The following PTN variants were observed in gnomAD, a reference collection of about 807,000 sequenced individuals.
PTN encodes the protein heparin affin regulatory protein.
Under a neutral mutation model 24.1 loss-of-function variants are expected in PTN, and 18 were observed. The observed-to-expected ratio is 0.75, with a 90% CI of 0.52 to 1.11. The LOEUF (loss-of-function observed/expected upper bound fraction) is 1.11. PTN is among the 50% of genes least tolerant of loss of function. The pLI, the probability that PTN is intolerant of heterozygous loss-of-function variation, is 0.00. For synonymous variants in PTN, 78 were observed against 68.6 expected (o/e 1.14, Z -0.67); for missense variants, 163 against 198.8 (o/e 0.82, Z 1.08).
chr7:137,238,145 C>T (rs956589912), intron 4 of PTN, among the ~76,000 whole-genome samples: 6 of 152,056 alleles, frequency 3.9e-5, no homozygotes, highest in Non-Finnish European at 7.4e-5. Context: ...CTCTGATTTC[C>T]CTGTAGGTTT....
At chr7:137,231,306 C>A (rs73727897) in intron 4 of PTN, among the ~76,000 whole-genome samples, 2,661 of 151,894 alleles carry the variant, frequency 0.018, 69 homozygotes, top group African/African-American at 0.061. Flanking sequence ...TTCTTTCCAT[C>A]TTATCCTTTT....
At chr7:137,322,728 A>C (rs577225532) in intron 1 of PTN, among the ~76,000 whole-genome samples, 1 of 152,340 alleles carries the variant, frequency 6.6e-6, no homozygotes, top group East Asian at 1.9e-4. Flanking sequence ...ACATTACAAT[A>C]CAGAATAAGC....
intron 1 of PTN, among the ~76,000 whole-genome samples, chr7:137,266,650 T>C (rs1809152433): frequency 1.3e-5 from 2 of 151,648 alleles, no homozygotes; most frequent in African/African-American, 2.4e-5. Flanking sequence ...TTTTTGAAGA[T>C]AACCATTCTG....
intron 3 of PTN, 46 bp downstream of exon 3, chr7:137,253,418 A>G (rs1487741459): frequency 6.7e-7 from 1 of 1,500,064 alleles, no homozygotes; most frequent in South Asian, 1.4e-5. Flanking sequence ...GAAAAATTTG[A>G]GAATTATCTC....
chr7:137,265,839 G>C (rs1313063717), intron 1 of PTN, among the ~76,000 whole-genome samples: 3 of 151,652 alleles, frequency 2.0e-5, no homozygotes, highest in Non-Finnish European at 2.9e-5. Flanking sequence ...AATTGCCAAA[G>C]TTTGTTTTAA....
chr7:137,332,261 G>T (rs1810371723), intron 1 of PTN, among the ~76,000 whole-genome samples: 1 of 152,110 alleles, frequency 6.6e-6, no homozygotes, highest in African/African-American at 2.4e-5. Context: ...TTCAAGAATT[G>T]TAAGTAAGTT....
intron 3 of PTN, 40 bp from the exon 4 acceptor site, chr7:137,251,431 T>C (rs1248516342): frequency 6.9e-6 from 11 of 1,594,452 alleles, no homozygotes; most frequent in African/African-American, 1.3e-5. Flanking sequence ...CCTTGAAAGA[T>C]CCTATCGTAC....
rs115892381 is a variant in PTN, at chr7:137,229,109, C to T, written c.452-1034G>A. ...ACCATAGCATATGATAGTAAGCATACGGTTTATATCCAAATTAAACCTGTT... is the reference window on the plus strand; with the variant it reads ...ACCATAGCATATGATAGTAAGCATATGGTTTATATCCAAATTAAACCTGTT... On this transcript the variant is annotated intron_variant, in intron 4 of 4. Transcript: ENST00000348225. 4.0e-3 allele frequency among the ~76,000 whole-genome samples: 607 copies of T among 151,840 alleles called. 5 individuals are homozygous for T. Among genetic ancestry groups the T allele is most frequent in the African/African-American group, 0.014 (561 of 41,500 alleles).
At chr7:137,306,938 G>A (rs1035756051) in intron 1 of PTN, among the ~76,000 whole-genome samples, 1 of 151,942 alleles carries the variant, frequency 6.6e-6, no homozygotes, top group Non-Finnish European at 1.5e-5. Flanking sequence ...ACACAATCTC[G>A]GGTGGTTACT....
At chr7:137,233,844 T>C (rs1044027204) in intron 4 of PTN, among the ~76,000 whole-genome samples, 2 of 151,230 alleles carry the variant, frequency 1.3e-5, no homozygotes, top group Non-Finnish European at 3.0e-5. Context: ...TATTAATTAC[T>C]TGTCTCATTT....
chr7:137,264,847 A>G lies in PTN; in HGVS notation c.-1-9873T>C, dbSNP rs538955800. ...TAGCTTATCTGCTTCTTGTGCTAACAGGGTCATTGCTGCCAGGGACCTTAG... is the reference window on the plus strand; with the variant it reads ...TAGCTTATCTGCTTCTTGTGCTAACGGGGTCATTGCTGCCAGGGACCTTAG... On this transcript the variant is annotated intron_variant, in intron 1 of 4. Transcript: ENST00000348225. Among the ~76,000 whole-genome samples, 114 of 152,308 alleles carry G rather than the reference A, an allele frequency of 7.5e-4. 1 individual carries two copies. The highest frequency in any genetic ancestry group is 1.3e-3 in the Non-Finnish European group (90 of 68,014).
At chr7:137,288,037 A>C (rs1376554660) in intron 1 of PTN, among the ~76,000 whole-genome samples, 1 of 152,226 alleles carries the variant, frequency 6.6e-6, no homozygotes, top group African/African-American at 2.4e-5. Context: ...TTAGTGTCTC[A>C]GAAGGAATAC....
At chr7:137,238,291 T>C (rs532947058) in intron 4 of PTN, among the ~76,000 whole-genome samples, 1 of 152,204 alleles carries the variant, frequency 6.6e-6, no homozygotes, top group Admixed American at 6.5e-5. Flanking sequence ...GGGAAGACAA[T>C]CATGAATCCA....
At chr7:137,274,085 T>C (rs322244) in intron 1 of PTN, among the ~76,000 whole-genome samples, 149,250 of 152,126 alleles carry the variant, frequency 0.98, 73,272 homozygotes, top group East Asian at 1. Context: ...ATTTTCATTT[T>C]ATTATTTTTA....
intron 1 of PTN, among the ~76,000 whole-genome samples, chr7:137,342,388 C>A (rs1008593017): frequency 1.3e-5 from 2 of 152,144 alleles, no homozygotes; most frequent in Non-Finnish European, 2.9e-5. Flanking sequence ...TGCTCAAGGA[C>A]CGCAGCTTTA....
At chr7:137,332,181 TCTAA>T (rs1159519266) in intron 1 of PTN, among the ~76,000 whole-genome samples, 4 of 152,184 alleles carry the variant, frequency 2.6e-5, no homozygotes, top group African/African-American at 9.6e-5. Context: ...CAATTACGCA[TCTAA>T]CTATTTTTAA....
chr7:137,319,499 C>G (rs1452380890), intron 1 of PTN, among the ~76,000 whole-genome samples: 1 of 152,226 alleles, frequency 6.6e-6, no homozygotes, highest in Non-Finnish European at 1.5e-5. Flanking sequence ...GCGAACATCT[C>G]TTTGTCACTT....
chr7:137,339,699 C>T lies in PTN; in HGVS notation c.-2+3740G>A, dbSNP rs565753085. Among the ~76,000 whole-genome samples, 10 of 152,070 alleles carry T rather than the reference C, an allele frequency of 6.6e-5. No individual in the cohort carries two copies. In the South Asian group the frequency reaches 1.2e-3, roughly 19 times the overall value. ...TATGGGCAGGCATTCCTGGTACATC[C>T]GTACATAGAGAAATGTATGCCATCA... On this transcript the variant is annotated intron_variant, in intron 1 of 4. Coordinates refer to ENST00000348225, the MANE Select transcript of PTN (RefSeq NM_002825.7).
chr7:137,301,462 G>T (rs1354812090), intron 1 of PTN, among the ~76,000 whole-genome samples: 1 of 151,932 alleles, frequency 6.6e-6, no homozygotes, highest in Non-Finnish European at 1.5e-5. Context: ...GATGTTTTAA[G>T]AGAGAGGATT....
Sources: allele counts gnomAD v4.1 joint callset (sites outside exome capture counted in the v4.1 genomes callset), GRCh38; gene constraint gnomAD v4.1.1; transcripts MANE v1.5; gene names NCBI Gene and HGNC (gene_info 2026-07-23, HGNC 2026-07-21).